Variants in LCOR observed in about 807,000 individuals in gnomAD.
LCOR encodes ligand-dependent corepressor.
A neutral mutation model predicts 64.4 loss-of-function variants in LCOR; 14 were observed. The ratio of observed to expected loss-of-function variants is 0.22; its 90% CI spans 0.14 to 0.34. The LOEUF (loss-of-function observed/expected upper bound fraction) is 0.34, where lower values mean the gene tolerates loss of function less well. LCOR is among the 10% of genes least tolerant of loss of function. LCOR has a pLI of 1.00. For synonymous variants in LCOR, 643 were observed against 642.5 expected (o/e 1.00, Z -0.01); for missense variants, 1,686 against 1,765.3 (o/e 0.96, Z 0.80).
intron 6 of LCOR, among the ~76,000 whole-genome samples, chr10:96,949,953 T>C (rs181512273): frequency 6.6e-6 from 1 of 152,360 alleles, no homozygotes; most frequent in African/African-American, 2.4e-5. Flanking sequence ...TAGTTTTGTT[T>C]AGCAAATGTT....
At chr10:96,927,324 T>TA (rs1178349938) in intron 4 of LCOR, among the ~76,000 whole-genome samples, 1 of 152,084 alleles carries the variant, frequency 6.6e-6, no homozygotes, top group Non-Finnish European at 1.5e-5. Context: ...TTGAATCTTT[T>TA]ACCAATTTTA....
intron 2 of LCOR, among the ~76,000 whole-genome samples, chr10:96,876,029 T>G (rs200812384): frequency 1.4e-5 from 2 of 147,266 alleles, no homozygotes; most frequent in African/African-American, 2.5e-5. Flanking sequence ...AAAAAAAAAG[T>G]AAAAGAAGTA....
At chr10:96,913,946 G>A (rs888422741) in intron 4 of LCOR, among the ~76,000 whole-genome samples, 9 of 151,902 alleles carry the variant, frequency 5.9e-5, no homozygotes, top group Non-Finnish European at 1.2e-4. Flanking sequence ...TGTTTTTGAA[G>A]AATATATAAG....
At chr10:96,843,555 A>T (rs1564599691) in intron 2 of LCOR, among the ~76,000 whole-genome samples, 1 of 152,216 alleles carries the variant, frequency 6.6e-6, no homozygotes, top group East Asian at 1.9e-4. Context: ...GGATGACGTA[A>T]CTTGTTTTCT....
intron 7 of LCOR, chr10:96,955,002 G>C (rs200670677): frequency 1.9e-6 from 3 of 1,614,048 alleles, no homozygotes; most frequent in Non-Finnish European, 2.5e-6. Context: ...TCGGAGTGGT[G>C]ATGGGGTACC....
chr10:96,846,248 G>GTT (rs199691897), intron 2 of LCOR, among the ~76,000 whole-genome samples: 1 of 147,824 alleles, frequency 6.8e-6, no homozygotes. Context: ...CTGGCTTTAA[G>GTT]TTTTTTTTTT....
chr10:96,946,533 C>T (rs1433328353), intron 5 of LCOR, among the ~76,000 whole-genome samples: 1 of 152,052 alleles, frequency 6.6e-6, no homozygotes, highest in Non-Finnish European at 1.5e-5. Flanking sequence ...TGTGATGTAA[C>T]ATGTTTTTCT....
In LCOR at chr10:96,846,844, C is replaced by T. The variant is rs138775816; in HGVS notation, c.-330+13365C>T. On this transcript the variant is annotated intron_variant, in intron 2 of 7. Coordinates refer to ENST00000421806, the MANE Select transcript of LCOR (RefSeq NM_001346516.2). ...AAAAGAGAACCTTCCCTTTGGTCCC[C>T]TTCTCCTTAGGAGAAGAACTTCTGC... is the stretch of plus-strand genomic sequence containing the variant. 2.3e-3 allele frequency among the ~76,000 whole-genome samples: 344 copies of T among 152,298 alleles called. 5 individuals are homozygous for T. The highest frequency in any genetic ancestry group is 7.9e-3 in the African/African-American group (330 of 41,566).
intron 2 of LCOR, among the ~76,000 whole-genome samples, chr10:96,868,173 C>T (rs188382350): frequency 1.2e-3 from 174 of 149,414 alleles, no homozygotes; most frequent in African/African-American, 4.0e-3. Flanking sequence ...CGTGAGCCAC[C>T]GCACCGGGCC....
intron 4 of LCOR, among the ~76,000 whole-genome samples, chr10:96,913,142 A>G (rs1420740036): frequency 1.3e-5 from 2 of 152,282 alleles, no homozygotes; most frequent in East Asian, 1.9e-4. Context: ...GATTTCTCCA[A>G]AAAACTCTAG....
intron 2 of LCOR, among the ~76,000 whole-genome samples, chr10:96,870,568 TTA>T (rs1846056546): frequency 6.6e-6 from 1 of 152,200 alleles, no homozygotes; most frequent in Non-Finnish European, 1.5e-5. Flanking sequence ...TCAAGTCTTT[TTA>T]AAGTTTTGAA....
At chr10:96,896,323 G>A (rs1302383489) in intron 2 of LCOR, among the ~76,000 whole-genome samples, 2 of 152,066 alleles carry the variant, frequency 1.3e-5, no homozygotes, top group East Asian at 1.9e-4. Flanking sequence ...AGAGTTGACT[G>A]CTTGTGAGGA....
At chr10:96,979,618 G>T (rs921621351) in intron 7 of LCOR, among the ~76,000 whole-genome samples, 1 of 151,944 alleles carries the variant, frequency 6.6e-6, no homozygotes. Context: ...TAGCAAGTGG[G>T]CCTTGAATAA....
chr10:96,948,848 TAGAC>T (rs1847629505), intron 5 of LCOR, among the ~76,000 whole-genome samples, 156 bp from the exon 6 acceptor site: 1 of 152,076 alleles, frequency 6.6e-6, no homozygotes, highest in African/African-American at 2.4e-5. Flanking sequence ...TTTTTAAAAA[TAGAC>T]AACTCAAAAG....
chr10:96,864,669 A>G (rs1252791251), intron 2 of LCOR, among the ~76,000 whole-genome samples: 1 of 152,244 alleles, frequency 6.6e-6, no homozygotes, highest in African/African-American at 2.4e-5. Context: ...GACCACATAT[A>G]TGACAGTAAT....
rs1848112312 is a variant in LCOR at position 96,983,372 on chromosome 10, A to C, written c.2912A>C (p.Asp971Ala). 6.2e-7 allele frequency: 1 copy of C among 1,614,100 alleles called. No homozygotes were observed. The highest frequency in any genetic ancestry group is 8.5e-7 in the Non-Finnish European group (1 of 1,180,058). The change falls in exon 8 of 8, where the codon GAC becomes GCC. Residue 971 changes from aspartate (D) to alanine (A), a missense_variant. Transcript: ENST00000421806. The surrounding 1 kb of genome is among the most constrained non-coding windows in gnomAD (Gnocchi z 4.5). Reference protein sequence around the residue: ...IPSESIACKRDPEQAKEEPGH... With the variant: ...IPSESIACKRAPEQAKEEPGH... ...TCAGAAAGTATTGCTTGTAAGAGGGACCCAGAACAGGCAAAAGAAGAGCCA... is the reference window on the plus strand; with the variant it reads ...TCAGAAAGTATTGCTTGTAAGAGGGCCCCAGAACAGGCAAAAGAAGAGCCA...
At chr10:96,956,845 G>T in intron 7 of LCOR, 15 of 985,468 alleles carry the variant, frequency 1.5e-5, no homozygotes, top group Non-Finnish European at 1.6e-5. Context: ...CAGAATTGAT[G>T]TGCTAACTGA....
intron 7 of LCOR, among the ~76,000 whole-genome samples, chr10:96,970,628 ATTTTATTTTATTTT>A (rs1564643205): frequency 8.9e-6 from 1 of 112,400 alleles, no homozygotes; most frequent in Non-Finnish European, 1.8e-5. Context: ...TATTTTATTT[ATTTTATTTTATTTT>A]ATTTTATTTT....
chr10:96,983,896 A>G lies in LCOR; in HGVS notation c.3436A>G (p.Lys1146Glu). 1 of 1,614,218 alleles carries G rather than the reference A, an allele frequency of 6.2e-7. No homozygotes were observed. The highest frequency in any genetic ancestry group is 8.5e-7 in the Non-Finnish European group (1 of 1,180,038). ...PRARNKSDKLKEIWKSKKRSR... is the reference protein window; with the variant it reads ...PRARNKSDKLEEIWKSKKRSR... ...AGCAAGGAACAAATCAGATAAACTG[A>G]AAGAGATTTGGAAAAGCAAGAAAAG... The change falls in exon 8 of 8, where the codon AAA becomes GAA. Residue 1146 changes from lysine (K) to glutamate (E), a missense_variant. Transcript: ENST00000421806. This position sits in a 1 kb window ranked among gnomAD's most constrained non-coding sequence, Gnocchi z 4.5.
Sources: gnomAD v4.1 joint callset for allele counts (sites outside exome capture counted in the v4.1 genomes callset) on GRCh38, gnomAD v4.1.1 for gene constraint, Gnocchi (gnomAD v3.1) non-coding constraint, MANE v1.5 for transcripts, NCBI Gene and HGNC (gene_info 2026-07-23, HGNC 2026-07-21) for gene names.